Variants in PROM1 observed in about 807,000 individuals in gnomAD.
PROM1 encodes the protein prominin-1.
Under a neutral mutation model 116.9 loss-of-function variants are expected in PROM1, and 105 were observed. The ratio of observed to expected loss-of-function variants is 0.90; its 90% CI spans 0.77 to 1.06. The LOEUF (loss-of-function observed/expected upper bound fraction) is 1.06. PROM1 is among the 50% of genes least tolerant of loss of function. The pLI is 0.00. For synonymous variants in PROM1, 393 were observed against 387.0 expected (o/e 1.02, Z -0.18); for missense variants, 1,122 against 1,045.2 (o/e 1.07, Z -1.01).
chr4:16,059,707 T>G (rs1739872648), intron 2 of PROM1, among the ~76,000 whole-genome samples: 1 of 152,158 alleles, frequency 6.6e-6, no homozygotes, highest in Non-Finnish European at 1.5e-5. Flanking sequence ...TGCAAATTCA[T>G]GAAATTATAA....
chr4:15,990,713 A>G (rs1216156565), intron 18 of PROM1, among the ~76,000 whole-genome samples: 1 of 152,176 alleles, frequency 6.6e-6, no homozygotes, highest in East Asian at 1.9e-4. Context: ...CAGAAAGAGG[A>G]GCCCAAAGCA....
Position 15,985,809 on chromosome 4 carries a change from C to G in PROM1, c.2231G>C (p.Arg744Thr), listed in dbSNP as rs375139813. 1.1e-5 allele frequency: 13 copies of G among 1,191,370 alleles called. No individual in the cohort carries two copies. In the South Asian group the frequency reaches 1.9e-4, roughly 17 times the overall value. The allele number at this position is 1,191,370 out of a possible 1,614,324, so 73.8% of individuals were successfully genotyped here. The change falls in exon 22 of 28, where the codon AGA (arginine) becomes ACA (threonine). Residue 744 changes from arginine to threonine, a missense_variant. Arg to Thr is a moderately conservative substitution (Grantham distance 71). Transcript: ENST00000447510. ...VIIEETKKYG[R>T]TIIGYFEHYL... ...ATGTTCAAAATATCCTATTATTGTT[C>G]TCCCATACTTCTTAGTTTCCTGGAA...
At position 16,024,285 on chromosome 4, in the gene PROM1, T is replaced by G; in HGVS notation, c.694+10A>C. The G allele has an allele frequency of 6.2e-7, 1 of 1,610,108 alleles. No individual in the cohort carries two copies. Among genetic ancestry groups the G allele is most frequent in the Non-Finnish European group, 8.5e-7 (1 of 1,176,818 alleles). ...AAAAAAAATGTGAAGCAACTTTAAA[T>G]TTTACTCACTGTTCAGATCTGTGAA... On this transcript the variant is annotated intron_variant, in intron 7 of 27. Coordinates refer to ENST00000447510, the MANE Select transcript of PROM1 (RefSeq NM_006017.3).
In PROM1 at chr4:15,979,010, A is replaced by AAGGAAAGAAG. The variant is rs1560384891; in HGVS notation, c.2582+384_2582+385insCTTCTTTCCT. ...AGGAAAAAAGGAAGGAAGGAAGGAA[A>AAGGAAAGAAG]GAAGGAAGGAAGGAAGGAAGGAAAG... is the stretch of plus-strand genomic sequence containing the variant. On this transcript the variant is annotated intron_variant, in intron 26 of 27. Coordinates refer to ENST00000447510, the MANE Select transcript of PROM1 (RefSeq NM_006017.3). Among the ~76,000 whole-genome samples, 143 of 148,440 alleles carry AAGGAAAGAAG rather than the reference A, an allele frequency of 9.6e-4. 1 individual carries two copies. Among genetic ancestry groups the AAGGAAAGAAG allele is most frequent in the African/African-American group, 3.3e-3 (130 of 39,356 alleles).
intron 5 of PROM1, 101 bp downstream of exon 5, chr4:16,033,203 G>C (rs910749944): frequency 8.0e-6 from 8 of 995,668 alleles, no homozygotes; most frequent in Non-Finnish European, 1.2e-5. Flanking sequence ...TTTCATTGTT[G>C]CTATTTTGTT....
chr4:16,065,822 C>G (rs1380036651), intron 2 of PROM1, among the ~76,000 whole-genome samples: 1 of 152,204 alleles, frequency 6.6e-6, no homozygotes, highest in African/African-American at 2.4e-5. Context: ...ATGACAGATC[C>G]AAGTCCTAAC....
chr4:16,075,598 T>C, intron 2 of PROM1, 89 bp downstream of exon 2: 1 of 1,245,044 alleles, frequency 8.0e-7, no homozygotes, highest in East Asian at 2.6e-5. Context: ...ATACTGAATA[T>C]ATTATATATT....
rs534701682 is a variant in PROM1 at position 16,007,103 on chromosome 4, G to T, written c.1302-413C>A. On this transcript the variant is annotated intron_variant, in intron 12 of 27. Transcript: ENST00000447510. ...CCTATTATAATAATGAAGGCATATG[G>T]CTAGATCATGATTAGACTACAGATA... Among the ~76,000 whole-genome samples, 78 of 152,250 alleles carry T rather than the reference G, an allele frequency of 5.1e-4. 1 individual carries two copies. The highest frequency in any genetic ancestry group is 1.8e-3 in the African/African-American group (75 of 41,530).
intron 2 of PROM1, among the ~76,000 whole-genome samples, chr4:16,067,771 C>T (rs1007693971): frequency 7.2e-5 from 11 of 152,238 alleles, no homozygotes; most frequent in Admixed American, 3.9e-4. Flanking sequence ...TTCACTCAGC[C>T]GCCCCTTTCC....
At chr4:16,074,237 A>G (rs1310976633) in intron 2 of PROM1, among the ~76,000 whole-genome samples, 1 of 147,828 alleles carries the variant, frequency 6.8e-6, no homozygotes, top group African/African-American at 2.4e-5. Context: ...TTGTAACACA[A>G]AGAATAAATG....
intron 16 of PROM1, among the ~76,000 whole-genome samples, chr4:15,993,260 T>C (rs1560427683): frequency 6.6e-6 from 1 of 152,194 alleles, no homozygotes; most frequent in Non-Finnish European, 1.5e-5. Context: ...GTTTCTGCTC[T>C]CATTCTGGAA....
intron 2 of PROM1, among the ~76,000 whole-genome samples, chr4:16,043,349 C>T (rs569705243): frequency 6.6e-6 from 1 of 152,352 alleles, no homozygotes; most frequent in South Asian, 2.1e-4. Context: ...GATGGGATCT[C>T]ATTCTGTCAC....
intron 2 of PROM1, among the ~76,000 whole-genome samples, chr4:16,065,015 C>T (rs530466914): frequency 6.6e-6 from 1 of 152,212 alleles, no homozygotes; most frequent in Non-Finnish European, 1.5e-5. Flanking sequence ...CCACACTTTG[C>T]ATAGGACTGA....
intron 23 of PROM1, among the ~76,000 whole-genome samples, chr4:15,981,061 A>ACG (rs1717779805): frequency 6.6e-6 from 1 of 151,336 alleles, no homozygotes; most frequent in African/African-American, 2.4e-5. Context: ...TCCTGGGTTC[A>ACG]TGCCATTCTC....
At chr4:16,046,485 T>C (rs948584316) in intron 2 of PROM1, among the ~76,000 whole-genome samples, 1 of 152,244 alleles carries the variant, frequency 6.6e-6, no homozygotes, top group African/African-American at 2.4e-5. Context: ...GTTATTTGCA[T>C]AGCTTAACTC....
chr4:15,972,222 G>A (rs1714743396), intron 26 of PROM1, among the ~76,000 whole-genome samples: 1 of 152,164 alleles, frequency 6.6e-6, no homozygotes, highest in African/African-American at 2.4e-5. Flanking sequence ...AGCAGGAAAT[G>A]AGCAAAACAA....
chr4:16,008,296 GCTCTGA>G (rs1347462017), intron 12 of PROM1, among the ~76,000 whole-genome samples: 3 of 152,070 alleles, frequency 2.0e-5, no homozygotes, highest in Non-Finnish European at 4.4e-5. Context: ...CCTCCCCAGG[GCTCTGA>G]CTGGGATGTC....
At chr4:16,066,727 A>G (rs1741623363) in intron 2 of PROM1, among the ~76,000 whole-genome samples, 1 of 152,182 alleles carries the variant, frequency 6.6e-6, no homozygotes, top group African/African-American at 2.4e-5. Flanking sequence ...GCTATTTAAT[A>G]CCATGGTGGC....
intron 15 of PROM1, among the ~76,000 whole-genome samples, chr4:15,994,534 C>T (rs576408425): frequency 3.9e-5 from 6 of 152,056 alleles, no homozygotes; most frequent in Non-Finnish European, 7.4e-5. Context: ...TACGCTTAGA[C>T]GTATATCCTC....
Sources: allele counts gnomAD v4.1 joint callset (sites outside exome capture counted in the v4.1 genomes callset), GRCh38; gene constraint gnomAD v4.1.1; transcripts MANE v1.5; gene names NCBI Gene and HGNC (gene_info 2026-07-23, HGNC 2026-07-21).